The following AURKA variants were observed in gnomAD, a reference collection of about 807,000 sequenced individuals.
The protein encoded by AURKA is aurora kinase A.
In AURKA, 12 loss-of-function variants were observed where a neutral mutation model predicts 40.9. The ratio of observed to expected loss-of-function variants is 0.29; its 90% confidence interval spans 0.19 to 0.48. The LOEUF is 0.48. AURKA is among the 20% of genes least tolerant of loss of function. The pLI is 0.99. For synonymous variants in AURKA, 170 were observed against 164.3 expected (o/e 1.03, Z -0.26); for missense variants, 322 against 462.1 (o/e 0.70, Z 2.78).
intron 5 of AURKA, 47 bp downstream of exon 5, chr20:56,382,938 G>A (rs1569075308): frequency 9.4e-6 from 15 of 1,598,714 alleles, no homozygotes; most frequent in Non-Finnish European, 1.3e-5. Context: ...AGGGGGAGGG[G>A]TGCAGCATTG....
chr20:56,380,411 T>G (rs1001424129), intron 6 of AURKA, among the ~76,000 whole-genome samples: 1 of 149,284 alleles, frequency 6.7e-6, no homozygotes, highest in African/African-American at 2.5e-5. Context: ...AAAGTTGCAA[T>G]GATCTGAACC....
At chr20:56,371,585 T>C (rs1984233785) in intron 7 of AURKA, among the ~76,000 whole-genome samples, 1 of 151,114 alleles carries the variant, frequency 6.6e-6, no homozygotes, top group African/African-American at 2.4e-5. Context: ...AAGTCCTCTT[T>C]AAAGTGGGAG....
rs192549475 is a variant in AURKA, at chr20:56,375,778, A to G, written c.706-2222T>C. Among the ~76,000 whole-genome samples, 13 of 152,268 alleles carry G rather than the reference A, an allele frequency of 8.5e-5. No individual in the cohort carries two copies. In the East Asian group the frequency reaches 2.5e-3, roughly 29 times the overall value. On this transcript the variant is annotated intron_variant, in intron 6 of 8. Transcript: ENST00000395915. ...AAAGTTTGAGAGGGCAATGGATTTC[A>G]CTCCTCAAATCACTTCCAGACAAGA...
At chr20:56,383,631 G>A (rs1342806072) in intron 4 of AURKA, among the ~76,000 whole-genome samples, 2 of 152,244 alleles carry the variant, frequency 1.3e-5, no homozygotes, top group East Asian at 3.8e-4. Context: ...GGTGGAGACA[G>A]AGCCACTGTT....
chr20:56,389,235 A>G (rs1003079280), intron 1 of AURKA, among the ~76,000 whole-genome samples: 1 of 151,888 alleles, frequency 6.6e-6, no homozygotes, highest in African/African-American at 2.4e-5. Context: ...CTCCATCTAC[A>G]CCTTCACCAG....
At chr20:56,380,360 G>GA (rs58953054) in intron 6 of AURKA, among the ~76,000 whole-genome samples, 65,788 of 119,986 alleles carry the variant, frequency 0.55, 16,297 homozygotes, top group Non-Finnish European at 0.62. Flanking sequence ...GTCTCAAAAA[G>GA]AAAAAAAAAA....
intron 6 of AURKA, among the ~76,000 whole-genome samples, chr20:56,377,249 C>A (rs1985049805): frequency 6.6e-6 from 1 of 152,174 alleles, no homozygotes. Flanking sequence ...TGCACCCCAG[C>A]CTGGCTGACA....
chr20:56,386,120 C>T (rs1986323684), intron 3 of AURKA, 137 bp downstream of exon 3: 1 of 1,277,874 alleles, frequency 7.8e-7, no homozygotes, highest in South Asian at 1.2e-5. Flanking sequence ...TACTTCAACC[C>T]AGACACCATA....
rs182506390 is a variant in AURKA at position 56,388,629 on chromosome 20, T to G, written c.-5-427A>C. On this transcript the variant is annotated intron_variant, in intron 1 of 8. Coordinates refer to ENST00000395915, the MANE Select transcript of AURKA (RefSeq NM_198437.3). ...GAGTTCGAGACCAGCCTGGCCAACA[T>G]GGTGAAACCCCGTCTCTACTAAAAA... The G allele has an allele frequency of 5.4e-3, 1,115 of 205,090 alleles. 12 individuals are homozygous for G. The highest frequency in any genetic ancestry group is 0.024 in the African/African-American group (1,043 of 42,994). The allele number at this position is 205,090 out of a possible 1,614,324, so 12.7% of individuals were successfully genotyped here. A position where few individuals can be genotyped will look rare whatever the true frequency, so the allele number is the denominator to read the frequency against.
rs199813313 is a variant in AURKA at position 56,385,462 on chromosome 20, AT to A, written c.319+794del. Among the ~76,000 whole-genome samples, 616 of 143,738 alleles carry A rather than the reference AT, an allele frequency of 4.3e-3. 3 individuals carry two copies. The highest frequency in any genetic ancestry group is 0.011 in the Middle Eastern group (3 of 278). The allele number at this position is 143,738 out of a possible 152,430, so 94.3% of individuals were successfully genotyped here. A position where few individuals can be genotyped will look rare whatever the true frequency, so the allele number is the denominator to read the frequency against. ...AATTTATTCAGTACTTCCACAGTAA[AT>A]TTTTTTTTTTTTTTTGAGATAGAAT... On this transcript the variant is annotated intron_variant, in intron 3 of 8. Coordinates refer to ENST00000395915, the MANE Select transcript of AURKA (RefSeq NM_198437.3).
Position 56,370,603 on chromosome 20 carries a change from C to G in AURKA, c.911G>C (p.Arg304Pro). The G allele has an allele frequency of 6.2e-7, 1 of 1,614,160 alleles. No homozygotes were observed. The highest frequency in any genetic ancestry group is 8.5e-7 in the Non-Finnish European group (1 of 1,180,042). The change falls in exon 8 of 9, where the codon CGG becomes CCG. Residue 304 changes from arginine (R) to proline (P), a missense_variant. Coordinates refer to ENST00000395915, the MANE Select transcript of AURKA (RefSeq NM_198437.3). ...DYLPPEMIEG[R>P]MHDEKVDLWS... ...GAGATCCACCTTCTCATCATGCATC[C>G]GACCTTCAATCATTTCAGGGGGCAG...
In AURKA at chr20:56,383,146, A is replaced by C. The variant is rs1985941708; in HGVS notation, c.405T>G (p.Ile135Met). ...KRQWALEDFE[I>M]GRPLGKGKFG... ...ACTTTCCTTTACCCAGAGGGCGACC[A>C]ATTTCAAAGTCTTCCAAAGCCCACT... Residue 135 changes from isoleucine to methionine, a missense_variant, in exon 5 of 9, where the codon ATT becomes ATG. By Grantham distance (10) the Ile-to-Met change is conservative (BLOSUM62 1). Coordinates refer to ENST00000395915, the MANE Select transcript of AURKA (RefSeq NM_198437.3). 6.2e-7 allele frequency: 1 copy of C among 1,614,120 alleles called. No individual in the cohort carries two copies. The highest frequency in any genetic ancestry group is 1.3e-5 in the African/African-American group (1 of 74,942).
At chr20:56,384,665 C>T (rs1273534975) in intron 3 of AURKA, among the ~76,000 whole-genome samples, 1 of 152,108 alleles carries the variant, frequency 6.6e-6, no homozygotes, top group African/African-American at 2.4e-5. Context: ...CCATGCATGA[C>T]GAGCTGCCAA....
Position 56,386,540 on chromosome 20 carries a change from T to C in AURKA, c.43-7A>G, listed in dbSNP as rs1569087889. 1.2e-6 allele frequency: 2 copies of C among 1,614,168 alleles called. No individual in the cohort carries two copies. Among genetic ancestry groups the C allele is most frequent in the East Asian group, 4.5e-5 (2 of 44,888 alleles). On this transcript the variant is annotated splice_polypyrimidine_tract_variant and splice_region_variant and intron_variant, in intron 2 of 8. Transcript: ENST00000395915. Reference sequence around the variant, plus strand: ...CTCCAACTGGAGCTGTAGCCTAGAATGGAAGAGAAAATAAACTTTCTGGCA... The same window carrying C: ...CTCCAACTGGAGCTGTAGCCTAGAACGGAAGAGAAAATAAACTTTCTGGCA...
At position 56,373,389 on chromosome 20, in the gene AURKA, C is replaced by T. The variant is rs1984525652; in HGVS notation, c.854+19G>A. The T allele has an allele frequency of 6.2e-7, 1 of 1,612,758 alleles. No homozygotes were observed. Among genetic ancestry groups the T allele is most frequent in the Non-Finnish European group, 8.5e-7 (1 of 1,180,002 alleles). ...GGGCTTTGGTAAACCAAACAACTTC[C>T]ACCTCTAAAGTTACATACCTGGAAG... On this transcript the variant is annotated intron_variant, in intron 7 of 8. Coordinates refer to ENST00000395915, the MANE Select transcript of AURKA (RefSeq NM_198437.3). The surrounding 1 kb of genome is among the most constrained non-coding windows in gnomAD (Gnocchi z 5.0).
rs1983927387 is a variant in AURKA at position 56,370,181 on chromosome 20, C to CT, written c.1188dup (p.Glu397ArgfsTer4). ...TCCTAAGACTGTTTGCTAGCTGATT[C>CT]TTTGTTTTGGCAATTTGATGGTTTT... On this transcript the variant is annotated frameshift_variant, in exon 9 of 9. Coordinates refer to ENST00000395915, the MANE Select transcript of AURKA (RefSeq NM_198437.3). LOFTEE classifies it high-confidence loss of function. The CT allele has an allele frequency of 6.2e-7, 1 of 1,612,992 alleles. No homozygotes were observed. The highest frequency in any genetic ancestry group is 2.2e-5 in the East Asian group (1 of 44,880).
intron 6 of AURKA, among the ~76,000 whole-genome samples, chr20:56,377,514 C>A (rs1052983895): frequency 6.6e-6 from 1 of 152,118 alleles, no homozygotes; most frequent in African/African-American, 2.4e-5. Flanking sequence ...CAAGGCCGGG[C>A]GCAGTGGCTC....
intron 3 of AURKA, among the ~76,000 whole-genome samples, chr20:56,385,421 T>C (rs2146200415): frequency 6.6e-6 from 1 of 152,106 alleles, no homozygotes. Context: ...TACTCCTAAA[T>C]CCAGCGTTCT....
intron 5 of AURKA, 126 bp from the exon 6 acceptor site, chr20:56,381,697 C>T: frequency 2.6e-6 from 3 of 1,168,330 alleles, no homozygotes; most frequent in Non-Finnish European, 2.5e-6. Context: ...CCAAACCCCA[C>T]TTTAGAATCT....
Sources: gnomAD v4.1 joint callset for allele counts (sites outside exome capture counted in the v4.1 genomes callset) on GRCh38, gnomAD v4.1.1 for gene constraint, Gnocchi (gnomAD v3.1) non-coding constraint, MANE v1.5 for transcripts, NCBI Gene and HGNC (gene_info 2026-07-23, HGNC 2026-07-21) for gene names.